Variants in CCDC170 observed in about 807,000 individuals in gnomAD.
CCDC170 encodes coiled-coil domain-containing protein 170.
In CCDC170, 69 loss-of-function variants were observed where a neutral mutation model predicts 72.6. That is an observed-to-expected ratio of 0.95 (90% confidence interval 0.78 to 1.16). The LOEUF is 1.16. Among genes scored for constraint, CCDC170 ranks in the 50% most tolerant of loss-of-function variants. CCDC170 has a pLI of 0.00. For synonymous variants in CCDC170, 300 were observed against 303.9 expected (o/e 0.99, Z 0.13); for missense variants, 852 against 832.5 (o/e 1.02, Z -0.29).
chr6:151,555,153 A>G (rs1258054411), intron 5 of CCDC170, among the ~76,000 whole-genome samples: 1 of 151,990 alleles, frequency 6.6e-6, no homozygotes, highest in Non-Finnish European at 1.5e-5. Flanking sequence ...AAGTGCTGGG[A>G]TTACAGATGT....
chr6:151,590,652 T>A (rs1311568762), intron 7 of CCDC170, among the ~76,000 whole-genome samples: 2 of 152,232 alleles, frequency 1.3e-5, no homozygotes, highest in African/African-American at 4.8e-5. Context: ...TATACAGTAA[T>A]CCTTCATTTC....
At chr6:151,588,836 G>T (rs1361110882) in intron 7 of CCDC170, among the ~76,000 whole-genome samples, 1 of 152,088 alleles carries the variant, frequency 6.6e-6, no homozygotes, top group Admixed American at 6.6e-5. Flanking sequence ...AGCTACCTGG[G>T]AGGCTGAGAT....
rs542331847 is a variant in CCDC170, at chr6:151,589,559, G to A, written c.1293+3470G>A. On this transcript the variant is annotated intron_variant, in intron 7 of 10. Transcript: ENST00000239374. Reference sequence around the variant, plus strand: ...CCTGTCTCCTTACTAGATCTCCAATGCCTCCCCCATCTCTATATCCAGCAG... The same window carrying A: ...CCTGTCTCCTTACTAGATCTCCAATACCTCCCCCATCTCTATATCCAGCAG... Among the ~76,000 whole-genome samples the A allele has an allele frequency of 1.5e-4, 23 of 151,892 alleles. No homozygotes were observed. In the East Asian group the frequency reaches 3.3e-3, roughly 22 times the overall value.
chr6:151,568,103 C>CT (rs1336879076), intron 5 of CCDC170, among the ~76,000 whole-genome samples: 989 of 53,122 alleles, frequency 0.019, 18 homozygotes, highest in African/African-American at 0.096. Context: ...GAGTGAGACT[C>CT]TGAAAAAAAA....
chr6:151,516,022 C>T (rs941063645), intron 1 of CCDC170, among the ~76,000 whole-genome samples: 4 of 150,816 alleles, frequency 2.7e-5, no homozygotes, highest in South Asian at 2.1e-4. Context: ...GCTGAGATCG[C>T]GCCACTGCAC....
At chr6:151,498,853 C>A (rs905474722) in intron 1 of CCDC170, among the ~76,000 whole-genome samples, 2 of 145,620 alleles carry the variant, frequency 1.4e-5, no homozygotes, top group East Asian at 4.0e-4. Context: ...TCTAGGCACG[C>A]TGTATAAGTG....
chr6:151,613,796 G>A (rs779991830), intron 9 of CCDC170, among the ~76,000 whole-genome samples: 3 of 152,136 alleles, frequency 2.0e-5, no homozygotes, highest in Non-Finnish European at 4.4e-5. Context: ...ATGCTTCTAT[G>A]AACATTTGTG....
intron 5 of CCDC170, among the ~76,000 whole-genome samples, chr6:151,563,847 CA>C (rs1776084678): frequency 6.6e-6 from 1 of 152,180 alleles, no homozygotes; most frequent in Non-Finnish European, 1.5e-5. Flanking sequence ...CTGAGCTTCT[CA>C]GGGGTCAATC....
intron 6 of CCDC170, among the ~76,000 whole-genome samples, chr6:151,573,965 C>T (rs957537739): frequency 6.6e-6 from 1 of 152,202 alleles, no homozygotes; most frequent in African/African-American, 2.4e-5. Context: ...CACTTAAGGC[C>T]AGGCCTGGTG....
chr6:151,506,926 G>C (rs1040646669), intron 1 of CCDC170, among the ~76,000 whole-genome samples: 1 of 152,164 alleles, frequency 6.6e-6, no homozygotes, highest in Non-Finnish European at 1.5e-5. Context: ...GGGTCTCGGG[G>C]CTGCTGGCCT....
chr6:151,600,553 A>G (rs947981525), intron 9 of CCDC170, among the ~76,000 whole-genome samples: 3 of 151,864 alleles, frequency 2.0e-5, no homozygotes, highest in Admixed American at 6.6e-5. Context: ...TCTTACCTTA[A>G]TCATTACCTG....
At chr6:151,553,049 A>T (rs1782910527) in intron 5 of CCDC170, among the ~76,000 whole-genome samples, 1 of 152,058 alleles carries the variant, frequency 6.6e-6, no homozygotes, top group Admixed American at 6.6e-5. Context: ...GGCCTCCCAA[A>T]GTGCTGGGAT....
At chr6:151,518,621 G>T (rs1297765353) in intron 1 of CCDC170, among the ~76,000 whole-genome samples, 1 of 133,572 alleles carries the variant, frequency 7.5e-6, no homozygotes, top group Admixed American at 7.9e-5. Flanking sequence ...TTGATTATGT[G>T]ATAAACAAGG....
chr6:151,547,018 C>G (rs1395548080), intron 4 of CCDC170, among the ~76,000 whole-genome samples: 1 of 152,024 alleles, frequency 6.6e-6, no homozygotes, highest in Admixed American at 6.5e-5. Flanking sequence ...AAAATTGGCC[C>G]AGATCAGGAA....
chr6:151,552,779 CTTTTTTTTTTTTTTTT>C (rs71014597), intron 5 of CCDC170, among the ~76,000 whole-genome samples: 2 of 56,766 alleles, frequency 3.5e-5, no homozygotes, highest in South Asian at 2.3e-3. Context: ...TCAGCCAATT[CTTTTTTTTTTTTTTTT>C]TTTTTTTTTT....
intron 5 of CCDC170, among the ~76,000 whole-genome samples, chr6:151,571,900 G>A (rs925861026): frequency 6.6e-6 from 1 of 152,192 alleles, no homozygotes; most frequent in African/African-American, 2.4e-5. Context: ...GTGTCACCAA[G>A]TCTGGAGTGC....
intron 1 of CCDC170, among the ~76,000 whole-genome samples, chr6:151,507,103 G>A (rs941785058): frequency 1.3e-5 from 2 of 152,106 alleles, no homozygotes; most frequent in Non-Finnish European, 2.9e-5. Flanking sequence ...TGAGGGGTTT[G>A]TTGAAATGAG....
At chr6:151,617,115 C>A (rs911528163) in intron 10 of CCDC170, among the ~76,000 whole-genome samples, 1 of 152,170 alleles carries the variant, frequency 6.6e-6, no homozygotes, top group Non-Finnish European at 1.5e-5. Flanking sequence ...TTTGGATCAT[C>A]CCTTTTCTAA....
chr6:151,605,118 T>G (rs776839107), intron 9 of CCDC170, among the ~76,000 whole-genome samples: 7 of 152,322 alleles, frequency 4.6e-5, no homozygotes, highest in Non-Finnish European at 1.0e-4. Context: ...CTTTTTTAGC[T>G]TTTACATATG....
Sources: gnomAD v4.1 joint callset for allele counts (sites outside exome capture counted in the v4.1 genomes callset) on GRCh38, gnomAD v4.1.1 for gene constraint, MANE v1.5 for transcripts, NCBI Gene and HGNC (gene_info 2026-07-23, HGNC 2026-07-21) for gene names.